Variants in SV2C observed in about 807,000 individuals in gnomAD.
The protein encoded by SV2C is solute carrier family 22 member B3.
In SV2C, 49 loss-of-function variants were observed where a neutral mutation model predicts 79.7. The ratio of observed to expected loss-of-function variants is 0.61; its 90% CI spans 0.49 to 0.78. The LOEUF is 0.78. Among genes scored for constraint, SV2C ranks in the 30% least tolerant of loss-of-function variants. SV2C has a pLI of 0.00. For synonymous variants in SV2C, 334 were observed against 333.2 expected (o/e 1.00, Z -0.03); for missense variants, 833 against 912.9 (o/e 0.91, Z 1.13).
intron 1 of SV2C, among the ~76,000 whole-genome samples, chr5:76,112,866 C>T (rs141701976): frequency 6.6e-6 from 1 of 152,262 alleles, no homozygotes; most frequent in Non-Finnish European, 1.5e-5. Flanking sequence ...TCCTCCATGG[C>T]ACTAATTTAT....
chr5:76,160,734 ATTTCTCCAAGAAATAT>A (rs956003980), intron 2 of SV2C, among the ~76,000 whole-genome samples: 2 of 152,240 alleles, frequency 1.3e-5, no homozygotes, highest in Admixed American at 1.3e-4. Context: ...TTGAATAGAC[ATTTCTCCAAGAAATAT>A]TTTCAAATGA....
At chr5:76,308,202 T>A (rs1748273738) in intron 12 of SV2C, among the ~76,000 whole-genome samples, 1 of 152,188 alleles carries the variant, frequency 6.6e-6, no homozygotes, top group African/African-American at 2.4e-5. Context: ...AAGGGAGGCA[T>A]TGCCTTATTA....
At chr5:76,062,153 G>C in the SV2C span, among the ~76,000 whole-genome samples, 1 of 151,944 alleles carries the variant, frequency 6.6e-6, no homozygotes, top group Non-Finnish European at 1.5e-5. Context: ...TGGAAAGGAG[G>C]GGATGAGAAG....
At chr5:76,177,891 AG>A (rs1169192036) in intron 2 of SV2C, among the ~76,000 whole-genome samples, 5 of 152,210 alleles carry the variant, frequency 3.3e-5, no homozygotes, top group African/African-American at 9.6e-5. Context: ...CTAAAATACC[AG>A]TTCCTCTTAG....
chr5:76,106,055 G>A (rs1313957945), intron 1 of SV2C, among the ~76,000 whole-genome samples: 1 of 152,088 alleles, frequency 6.6e-6, no homozygotes, highest in African/African-American at 2.4e-5. Flanking sequence ...TCCATTGGAT[G>A]TCTAATCAAT....
chr5:76,034,137 G>C, the SV2C span, among the ~76,000 whole-genome samples: 1 of 151,778 alleles, frequency 6.6e-6, no homozygotes, highest in East Asian at 1.9e-4. Context: ...ATCAGCTTAA[G>C]GAGATTTTGG....
intron 12 of SV2C, among the ~76,000 whole-genome samples, chr5:76,315,547 G>T (rs956274504): frequency 1.3e-5 from 2 of 152,178 alleles, no homozygotes; most frequent in Non-Finnish European, 2.9e-5. Flanking sequence ...TCCCCCAGAG[G>T]TGACCTGGAC....
rs1747874014 is a variant in SV2C at position 76,298,852 on chromosome 5, A to G, written c.1561A>G (p.Thr521Ala). The G allele has an allele frequency of 6.2e-7, 1 of 1,613,990 alleles. No homozygotes were observed. Among genetic ancestry groups the G allele is most frequent in the South Asian group, 1.1e-5 (1 of 91,058 alleles). The part of the protein sequence containing the change: ...TFKDSVFKSC[T>A]FEDVTSVNTY... ...CAAAGACTCTGTTTTTAAGTCCTGC[A>G]CCTTTGAGGATGTAACTTCAGTGAA... Residue 521 changes from threonine (T) to alanine (A), a missense_variant, in exon 10 of 13, where the codon ACC becomes GCC. Thr to Ala is a moderately conservative substitution (Grantham distance 58). Coordinates refer to ENST00000502798, the MANE Select transcript of SV2C (RefSeq NM_014979.4).
At chr5:75,910,571 A>G in the SV2C span, 1 of 688,632 alleles carries the variant, frequency 1.5e-6, no homozygotes, top group Non-Finnish European at 2.6e-6. Flanking sequence ...CACCCAGTTC[A>G]GTGAGATTGA....
the SV2C span, among the ~76,000 whole-genome samples, chr5:75,963,819 T>C: frequency 2.2e-3 from 333 of 152,268 alleles, 2 homozygotes; most frequent in African/African-American, 7.4e-3. Context: ...TCTTAGAAAG[T>C]TACTCTATGT....
intron 4 of SV2C, among the ~76,000 whole-genome samples, chr5:76,273,146 GATAT>G (rs369657969): frequency 2.9e-4 from 37 of 129,084 alleles, no homozygotes; most frequent in Admixed American, 3.9e-4. Flanking sequence ...TTACAAAAAA[GATAT>G]ATATATATAT....
intron 12 of SV2C, among the ~76,000 whole-genome samples, chr5:76,306,514 G>A (rs925089423): frequency 2.0e-5 from 3 of 152,180 alleles, no homozygotes; most frequent in South Asian, 4.1e-4. Flanking sequence ...CAAAAGGTGG[G>A]AAACTGTACC....
At chr5:75,877,637 G>A in the SV2C span, among the ~76,000 whole-genome samples, 53 of 151,136 alleles carry the variant, frequency 3.5e-4, no homozygotes, top group African/African-American at 1.2e-3. Context: ...TCACAAATAG[G>A]TGGAAATTAA....
At chr5:76,199,179 G>A (rs2112335920) in intron 3 of SV2C, among the ~76,000 whole-genome samples, 1 of 152,000 alleles carries the variant, frequency 6.6e-6, no homozygotes. Context: ...TAAAACTTAA[G>A]CCAGAGAATT....
chr5:75,911,060 A>G, the SV2C span: 4 of 1,235,620 alleles, frequency 3.2e-6, no homozygotes, highest in Admixed American at 1.7e-5. Context: ...TGTCGCAACA[A>G]CTGAAGATCT....
At chr5:76,323,818 A>G (rs1748902449) in intron 12 of SV2C, among the ~76,000 whole-genome samples, 1 of 152,226 alleles carries the variant, frequency 6.6e-6, no homozygotes, top group Non-Finnish European at 1.5e-5. Context: ...GTTCTCACTC[A>G]TAAATGAGAG....
intron 4 of SV2C, among the ~76,000 whole-genome samples, chr5:76,233,376 C>T (rs1460338623): frequency 1.4e-5 from 2 of 140,866 alleles, no homozygotes; most frequent in East Asian, 1.9e-4. Context: ...ACAATCACGT[C>T]GTCTGCAAAC....
At chr5:76,079,133 A>C, upstream of SV2C, 1 of 336,328 alleles carries the variant, frequency 3.0e-6, no homozygotes, top group Admixed American at 3.9e-5. Flanking sequence ...ATTCTACACT[A>C]GAAGCAATTT....
At chr5:76,084,299 A>C (rs1209748625) in intron 1 of SV2C, 6 of 152,290 alleles carry the variant, frequency 3.9e-5, no homozygotes, top group Non-Finnish European at 7.3e-5. Context: ...CAATCGCAGT[A>C]AATAAGCTAC....
Sources: allele counts gnomAD v4.1 joint callset (sites outside exome capture counted in the v4.1 genomes callset), GRCh38; gene constraint gnomAD v4.1.1; transcripts MANE v1.5; gene names NCBI Gene and HGNC (gene_info 2026-07-23, HGNC 2026-07-21).